CDC42BPA: variants seen among roughly 807,000 people sequenced by gnomAD.
CDC42BPA encodes the protein CDC42 binding protein kinase alpha.
A neutral mutation model predicts 223.5 loss-of-function variants in CDC42BPA; 80 were observed. The ratio of observed to expected loss-of-function variants is 0.36; its 90% CI spans 0.30 to 0.43. CDC42BPA has a LOEUF of 0.43. CDC42BPA is among the 20% of genes least tolerant of loss of function. The pLI is 1.00. For missense variants in CDC42BPA, 1,743 were observed against 2,099.9 expected, an observed-to-expected ratio of 0.83 and a Z score of 3.32; for synonymous variants, 694 against 718.6, an observed-to-expected ratio of 0.97 and a Z score of 0.55.
At chr1:227,216,572 AT>A (rs1317953572) in intron 2 of CDC42BPA, among the ~76,000 whole-genome samples, 1 of 152,222 alleles carries the variant, frequency 6.6e-6, no homozygotes, top group Admixed American at 6.5e-5. Flanking sequence ...AAGTAATACA[AT>A]AAAATCAAAC....
intron 2 of CDC42BPA, among the ~76,000 whole-genome samples, chr1:227,214,720 T>TAG (rs993674705): frequency 1.3e-5 from 2 of 152,092 alleles, no homozygotes; most frequent in Non-Finnish European, 2.9e-5. Context: ...CTCCAAAACT[T>TAG]AGGTGTCTTC....
In CDC42BPA at chr1:227,219,596, G is replaced by GT. The variant is rs547235703; in HGVS notation, c.271-6378dup. ...ACATAAATGATGCGTTTATTTTCAT[G>GT]TTTTTTTTTAAGAAAGAGCATAACT... On this transcript the variant is annotated intron_variant, in intron 2 of 36. Transcript: ENST00000366766. Among the ~76,000 whole-genome samples the GT allele has an allele frequency of 2.8e-3, 418 of 151,344 alleles. 3 individuals are homozygous for GT. The highest frequency in any genetic ancestry group is 6.7e-3 in the Admixed American group (102 of 15,170).
At chr1:227,276,523 C>A (rs1040626806) in intron 1 of CDC42BPA, among the ~76,000 whole-genome samples, 12 of 151,038 alleles carry the variant, frequency 7.9e-5, no homozygotes, top group African/African-American at 2.7e-4. Flanking sequence ...GCAGTCACCC[C>A]GTCCGGGAGG....
chr1:227,068,397 T>G (rs1355017259), intron 21 of CDC42BPA: 1 of 157,394 alleles, frequency 6.4e-6, no homozygotes, highest in African/African-American at 2.4e-5. Flanking sequence ...ATTCTAGTTT[T>G]AGAATTCTTA....
At position 227,317,511 on chromosome 1, in the gene CDC42BPA, T is replaced by TAA. The variant is rs35451914; in HGVS notation, c.-331_-330dup. The TAA allele has an allele frequency of 6.7e-3, 2,524 of 377,254 alleles. 1 individual carries two copies. The highest frequency in any genetic ancestry group is 8.2e-3 in the Non-Finnish European group (1,765 of 215,808). The allele number at this position is 377,254 out of a possible 1,614,324, so 23.4% of individuals were successfully genotyped here. On this transcript the variant is annotated 5_prime_UTR_variant, in exon 1 of 37. An upstream open reading frame in the 5' UTR loses its in-frame stop. Coordinates refer to ENST00000366766, the MANE Select transcript of CDC42BPA (RefSeq NM_001394014.1). The stretch of plus-strand genomic sequence containing the variant: ...ACGAACTAGAGAGTCAACACTTCTT[T>TAA]AAAAAAAAAAAAAAAAACTCTTCTC...
At chr1:227,181,139 T>G (rs759760626) in intron 5 of CDC42BPA, among the ~76,000 whole-genome samples, 8 of 152,202 alleles carry the variant, frequency 5.3e-5, no homozygotes, top group Non-Finnish European at 1.2e-4. Flanking sequence ...GGATTCAAAC[T>G]TTCAGCTGAA....
intron 1 of CDC42BPA, among the ~76,000 whole-genome samples, chr1:227,259,259 GA>G (rs1478942327): frequency 6.6e-6 from 1 of 150,914 alleles, no homozygotes; most frequent in Non-Finnish European, 1.5e-5. Flanking sequence ...TAAGCTGGGG[GA>G]CAAGTAATTT....
intron 6 of CDC42BPA, among the ~76,000 whole-genome samples, chr1:227,152,965 A>AT (rs1454445986): frequency 6.6e-6 from 1 of 151,972 alleles, no homozygotes; most frequent in Non-Finnish European, 1.5e-5. Flanking sequence ...TCATTGTGAG[A>AT]TTTTTTAAAA....
chr1:227,030,411 C>T lies in CDC42BPA; in HGVS notation c.3835G>A (p.Asp1279Asn). 2 of 1,586,368 alleles carry T rather than the reference C, an allele frequency of 1.3e-6. No homozygotes were observed. The highest frequency in any genetic ancestry group is 8.6e-7 in the Non-Finnish European group (1 of 1,165,414). ...EGLFVVHVTKDEIIRVGDNKK... is the reference protein window; with the variant it reads ...EGLFVVHVTKNEIIRVGDNKK... ...AAAAAAAAAAGTTTTCTCTTACCAT[C>T]TTTGGTGACATGTACAACAAATAAC... is the stretch of plus-strand genomic sequence containing the variant. Residue 1279 changes from aspartate (D) to asparagine (N), a missense_variant, in exon 29 of 37, where the codon GAT becomes AAT. Physicochemically the swap from Asp to Asn is conservative, Grantham distance 23. This residue lies in a region of CDC42BPA where 678 missense variants were observed against 777.5 expected (regional missense o/e 0.87). Coordinates refer to ENST00000366766, the MANE Select transcript of CDC42BPA (RefSeq NM_001394014.1).
At chr1:227,107,044 A>C (rs1686054935) in intron 14 of CDC42BPA, among the ~76,000 whole-genome samples, 1 of 152,164 alleles carries the variant, frequency 6.6e-6, no homozygotes, top group South Asian at 2.1e-4. Context: ...GGTCCTTTGC[A>C]ATTCCATATG....
At chr1:227,268,004 G>A (rs569611568) in intron 1 of CDC42BPA, among the ~76,000 whole-genome samples, 8 of 152,298 alleles carry the variant, frequency 5.3e-5, no homozygotes, top group Admixed American at 1.3e-4. Context: ...CCAGGCACTG[G>A]AGCTAGTACC....
At chr1:227,215,225 C>T (rs185800159) in intron 2 of CDC42BPA, among the ~76,000 whole-genome samples, 4 of 152,246 alleles carry the variant, frequency 2.6e-5, no homozygotes, top group Admixed American at 2.6e-4. Flanking sequence ...ATGATGACGC[C>T]TAATATTTAT....
At position 227,040,347 on chromosome 1, in the gene CDC42BPA, G is replaced by A. The variant is rs1321019971; in HGVS notation, c.3094-111C>T. The A allele has an allele frequency of 9.3e-6, 6 of 648,156 alleles. No individual in the cohort carries two copies. In the South Asian group the frequency reaches 1.2e-4, roughly 13 times the overall value. 40.2% of individuals were successfully genotyped at this position (648,156 alleles called of 1,614,324 possible). A position where few individuals can be genotyped will look rare whatever the true frequency, so the allele number is the denominator to read the frequency against. On this transcript the variant is annotated intron_variant, in intron 23 of 36. Coordinates refer to ENST00000366766, the MANE Select transcript of CDC42BPA (RefSeq NM_001394014.1). Reference sequence around the variant, plus strand: ...AATGTTTTCTAAATAGGAATAGAATGAATTATTTCCATTTCTCATTACATC... The same window carrying A: ...AATGTTTTCTAAATAGGAATAGAATAAATTATTTCCATTTCTCATTACATC...
At chr1:227,297,954 G>GTGTATATA (rs1553440379) in intron 1 of CDC42BPA, among the ~76,000 whole-genome samples, 1 of 127,088 alleles carries the variant, frequency 7.9e-6, no homozygotes, top group South Asian at 2.3e-4. Context: ...GTGTGTGTGT[G>GTGTATATA]TATATATACA....
intron 3 of CDC42BPA, among the ~76,000 whole-genome samples, chr1:227,205,065 C>A (rs1672422402): frequency 6.6e-6 from 1 of 151,900 alleles, no homozygotes; most frequent in Non-Finnish European, 1.5e-5. Flanking sequence ...TCAAGACCAG[C>A]CTGGCCAACA....
intron 1 of CDC42BPA, among the ~76,000 whole-genome samples, chr1:227,273,385 G>A (rs977637661): frequency 1.3e-5 from 2 of 151,634 alleles, no homozygotes; most frequent in African/African-American, 4.8e-5. Context: ...TGACAACATG[G>A]AGAAACCCCA....
chr1:227,156,319 A>AT, intron 6 of CDC42BPA, among the ~76,000 whole-genome samples: 1 of 151,398 alleles, frequency 6.6e-6, no homozygotes, highest in East Asian at 2.0e-4. Flanking sequence ...TGCCTAACTA[A>AT]TTTTTTATAT....
chr1:227,065,729 G>C (rs1055320789), intron 21 of CDC42BPA, among the ~76,000 whole-genome samples: 8 of 152,114 alleles, frequency 5.3e-5, no homozygotes, highest in African/African-American at 1.9e-4. Flanking sequence ...AGTAAAGAAG[G>C]TAACTTTGGA....
intron 21 of CDC42BPA, among the ~76,000 whole-genome samples, chr1:227,067,570 C>A (rs554445015): frequency 6.6e-6 from 1 of 152,016 alleles, no homozygotes; most frequent in Non-Finnish European, 1.5e-5. Context: ...CCACTGTACA[C>A]GAGGAGAGTT....
Sources: allele counts gnomAD v4.1 joint callset (sites outside exome capture counted in the v4.1 genomes callset), GRCh38; gene constraint gnomAD v4.1.1; regional missense constraint gnomAD v4.1.1; transcripts MANE v1.5; gene names NCBI Gene and HGNC (gene_info 2026-07-23, HGNC 2026-07-21).